VEGFC: variants seen among roughly 807,000 people sequenced by gnomAD.
VEGFC encodes the protein vascular endothelial growth factor C, also known as FLT4 ligand DHM.
A neutral mutation model predicts 46.1 loss-of-function variants in VEGFC; 12 were observed. The ratio of observed to expected loss-of-function variants is 0.26; its 90% CI spans 0.17 to 0.42. The LOEUF (loss-of-function observed/expected upper bound fraction) is 0.42. VEGFC is among the 10% of genes least tolerant of loss of function. The pLI is 1.00. For synonymous variants in VEGFC, 232 were observed against 195.5 expected (o/e 1.19, Z -1.56); for missense variants, 488 against 529.4 (o/e 0.92, Z 0.77).
At chr4:176,686,033 TAAAAAG>T (rs1436765434) in intron 6 of VEGFC, among the ~76,000 whole-genome samples, 1 of 152,172 alleles carries the variant, frequency 6.6e-6, no homozygotes, top group Non-Finnish European at 1.5e-5. Context: ...TTTTTTCTGT[TAAAAAG>T]AACATTATCT....
rs547146655 is a variant in VEGFC, at chr4:176,692,645, T to G, written c.705-4718A>C. Among the ~76,000 whole-genome samples, 4 of 145,288 alleles carry G rather than the reference T, an allele frequency of 2.8e-5. No individual in the cohort carries two copies. In the East Asian group the frequency reaches 7.8e-4, roughly 28 times the overall value. ...CCACCACAGCTCAAGGAGGCCTGCC[T>G]GCCTCTGTAGGCTCCACCTCTGGGG... On this transcript the variant is annotated intron_variant, in intron 4 of 6. Coordinates refer to ENST00000618562, the MANE Select transcript of VEGFC (RefSeq NM_005429.5).
At chr4:176,779,886 C>T (rs141115896) in intron 1 of VEGFC, among the ~76,000 whole-genome samples, 154 of 152,300 alleles carry the variant, frequency 1.0e-3, no homozygotes, top group African/African-American at 3.5e-3. Flanking sequence ...CCAGTGAAAT[C>T]ATGTGTCTTC....
intron 1 of VEGFC, among the ~76,000 whole-genome samples, chr4:176,734,891 A>T (rs1735028166): frequency 6.6e-6 from 1 of 151,882 alleles, no homozygotes; most frequent in Non-Finnish European, 1.5e-5. Flanking sequence ...TGATAATTTT[A>T]TGCCTTTGTA....
At chr4:176,784,532 G>A (rs1579143225) in intron 1 of VEGFC, among the ~76,000 whole-genome samples, 1 of 151,742 alleles carries the variant, frequency 6.6e-6, no homozygotes, top group Non-Finnish European at 1.5e-5. Context: ...CAGATCACGA[G>A]GTCAGGAGAT....
intron 3 of VEGFC, 46 bp from the exon 4 acceptor site, chr4:176,711,696 A>G (rs1427698883): frequency 6.3e-7 from 1 of 1,597,918 alleles, no homozygotes; most frequent in South Asian, 1.1e-5. Context: ...TAGATGCTGT[A>G]AAGCACTTTT....
At chr4:176,745,442 C>T (rs538500575) in intron 1 of VEGFC, among the ~76,000 whole-genome samples, 1 of 152,004 alleles carries the variant, frequency 6.6e-6, no homozygotes, top group South Asian at 2.1e-4. Context: ...TGCCAGGAAC[C>T]GAGGATTTAT....
At chr4:176,766,772 T>A (rs965386467) in intron 1 of VEGFC, among the ~76,000 whole-genome samples, 2 of 152,020 alleles carry the variant, frequency 1.3e-5, no homozygotes, top group African/African-American at 4.8e-5. Flanking sequence ...GGTTACCTAG[T>A]TATCCAAATT....
rs1052643134 is a variant in VEGFC at position 176,792,025 on chromosome 4, G to A, written c.147+140C>T. The A allele has an allele frequency of 4.3e-6, 5 of 1,157,282 alleles. No individual in the cohort carries two copies. Among genetic ancestry groups the A allele is most frequent in the Non-Finnish European group, 5.6e-6 (5 of 895,586 alleles). 71.7% of individuals were successfully genotyped at this position (1,157,282 alleles called of 1,614,324 possible). ...AAGAAGAAGATTTTTCTCCAAAGCA[G>A]CGTGCACTGAGCTCAGTAACTTTGG... On this transcript the variant is annotated intron_variant, in intron 1 of 6. Transcript: ENST00000618562. This position sits in a 1 kb window ranked among gnomAD's most constrained non-coding sequence, Gnocchi z 6.3.
Position 176,792,190 on chromosome 4 carries a change from G to C in VEGFC, c.122C>G (p.Ala41Gly), listed in dbSNP as rs748396345. Residue 41 changes from alanine to glycine, a missense_variant, in exon 1 of 7, where the codon GCG becomes GGG. Coordinates refer to ENST00000618562, the MANE Select transcript of VEGFC (RefSeq NM_005429.5). The surrounding 1 kb of genome is among the most constrained non-coding windows in gnomAD (Gnocchi z 6.3). Reference protein sequence around the residue: ...AFESGLDLSDAEPDAGEATAY... With the variant: ...AFESGLDLSDGEPDAGEATAY... ...CGTGGCCTCGCCCGCGTCGGGCTCC[G>C]CGTCCGAGAGGTCGAGTCCGGACTC... is the stretch of plus-strand genomic sequence containing the variant. 8 of 1,531,320 alleles carry C rather than the reference G, an allele frequency of 5.2e-6. No individual in the cohort carries two copies. The highest frequency in any genetic ancestry group is 5.2e-6 in the Non-Finnish European group (6 of 1,143,696). The allele number at this position is 1,531,320 out of a possible 1,614,324, so 94.9% of individuals were successfully genotyped here. A position where few individuals can be genotyped will look rare whatever the true frequency, so the allele number is the denominator to read the frequency against.
intron 1 of VEGFC, among the ~76,000 whole-genome samples, chr4:176,770,997 C>CACACAT (rs1735712383): frequency 6.6e-6 from 1 of 151,728 alleles, no homozygotes; most frequent in East Asian, 1.9e-4. Context: ...CACACACACA[C>CACACAT]ACACACACAC....
intron 3 of VEGFC, among the ~76,000 whole-genome samples, chr4:176,717,219 G>C (rs1031308626): frequency 1.3e-5 from 2 of 151,960 alleles, no homozygotes; most frequent in Non-Finnish European, 2.9e-5. Context: ...TATAATACCA[G>C]TTGTTGGTTT....
intron 4 of VEGFC, among the ~76,000 whole-genome samples, chr4:176,708,426 A>T (rs888115473): frequency 1.3e-5 from 2 of 152,142 alleles, no homozygotes; most frequent in Non-Finnish European, 2.9e-5. Context: ...CTTTTTATGT[A>T]TAAAGCACAG....
In VEGFC at chr4:176,740,484, T is replaced by G. The variant is rs565467647; in HGVS notation, c.148-10738A>C. 1.2e-3 allele frequency among the ~76,000 whole-genome samples: 128 copies of G among 106,892 alleles called. 4 individuals carry two copies. Among genetic ancestry groups the G allele is most frequent in the South Asian group, 8.6e-3 (27 of 3,130 alleles). The allele number at this position is 106,892 out of a possible 152,430, so 70.1% of individuals were successfully genotyped here. A position where few individuals can be genotyped will look rare whatever the true frequency, so the allele number is the denominator to read the frequency against. ...TATATATAACTATATATTCTATATA[T>G]AGAGAGTATATATAACTATATATTC... On this transcript the variant is annotated intron_variant, in intron 1 of 6. Coordinates refer to ENST00000618562, the MANE Select transcript of VEGFC (RefSeq NM_005429.5).
chr4:176,789,851 T>C (rs1444898888), intron 1 of VEGFC, among the ~76,000 whole-genome samples: 2 of 152,224 alleles, frequency 1.3e-5, no homozygotes, highest in Non-Finnish European at 1.5e-5. Flanking sequence ...CCTTGGTTCA[T>C]AGTTTGTGTG....
chr4:176,759,553 TC>T (rs1735491975), intron 1 of VEGFC, among the ~76,000 whole-genome samples: 1 of 152,092 alleles, frequency 6.6e-6, no homozygotes, highest in Admixed American at 6.6e-5. Flanking sequence ...TGTAATATAC[TC>T]ATGGTGACTA....
chr4:176,776,167 A>G (rs970003258), intron 1 of VEGFC, among the ~76,000 whole-genome samples: 2 of 152,216 alleles, frequency 1.3e-5, no homozygotes, highest in Non-Finnish European at 2.9e-5. Context: ...TGCTTTACAT[A>G]AGTCTGAAAG....
In VEGFC at chr4:176,792,176, C is replaced by A; in HGVS notation, c.136G>T (p.Gly46Cys). 1 of 1,514,272 alleles carries A rather than the reference C, an allele frequency of 6.6e-7. No homozygotes were observed. Among genetic ancestry groups the A allele is most frequent in the Non-Finnish European group, 8.8e-7 (1 of 1,135,566 alleles). The allele number at this position is 1,514,272 out of a possible 1,614,324, so 93.8% of individuals were successfully genotyped here. Residue 46 changes from glycine to cysteine, a missense_variant, in exon 1 of 7, where the codon GGC becomes TGC. Physicochemically the swap from Gly to Cys is radical, Grantham distance 159 (BLOSUM62 -3). Coordinates refer to ENST00000618562, the MANE Select transcript of VEGFC (RefSeq NM_005429.5). The surrounding 1 kb of genome is among the most constrained non-coding windows in gnomAD (Gnocchi z 6.3). ...LDLSDAEPDA[G>C]EATAYASKDL... ...TAACGCAGACCTACCGTGGCCTCGC[C>A]CGCGTCGGGCTCCGCGTCCGAGAGG...
chr4:176,784,512 C>T (rs1735967848), intron 1 of VEGFC, among the ~76,000 whole-genome samples: 1 of 151,576 alleles, frequency 6.6e-6, no homozygotes, highest in Admixed American at 6.6e-5. Flanking sequence ...CTTTGGGAGG[C>T]CGAGGCGGGC....
intron 4 of VEGFC, among the ~76,000 whole-genome samples, chr4:176,709,328 C>G (rs1734583688): frequency 6.6e-6 from 1 of 152,136 alleles, no homozygotes; most frequent in South Asian, 2.1e-4. Context: ...AGGAATGGCT[C>G]AAGTATTTTT....
Sources: allele counts gnomAD v4.1 joint callset (sites outside exome capture counted in the v4.1 genomes callset), GRCh38; gene constraint gnomAD v4.1.1; non-coding constraint Gnocchi (gnomAD v3.1); transcripts MANE v1.5; gene names NCBI Gene and HGNC (gene_info 2026-07-23, HGNC 2026-07-21).